The following KCNH7 variants were observed in gnomAD, a reference collection of about 807,000 sequenced individuals.
KCNH7 encodes potassium voltage-gated channel subfamily H member 7.
In KCNH7, 49 loss-of-function variants were observed where a neutral mutation model predicts 120.8. The observed-to-expected ratio is 0.41, with a 90% CI of 0.32 to 0.51. The LOEUF is 0.51. KCNH7 is among the 20% of genes least tolerant of loss of function. The pLI, the probability that KCNH7 is intolerant of heterozygous loss-of-function variation, is 0.38. For missense variants in KCNH7, 1,097 were observed against 1,446.6 expected (o/e 0.76, Z 3.92); for synonymous variants, 547 against 516.1 (o/e 1.06, Z -0.81).
At chr2:162,489,310 GGAA>G in intron 6 of KCNH7, among the ~76,000 whole-genome samples, 1 of 152,114 alleles carries the variant, frequency 6.6e-6, no homozygotes, top group Admixed American at 6.5e-5. Flanking sequence ...GGGCCACACT[GGAA>G]GAAGAATAAT....
intron 9 of KCNH7, among the ~76,000 whole-genome samples, chr2:162,420,152 G>C (rs1272938282): frequency 1.3e-5 from 2 of 152,168 alleles, no homozygotes; most frequent in Non-Finnish European, 2.9e-5. Flanking sequence ...CAAGGCGGCA[G>C]ATCACTTGAG....
intron 2 of KCNH7, among the ~76,000 whole-genome samples, chr2:162,584,376 G>T (rs1040171650): frequency 1.3e-5 from 2 of 152,024 alleles, no homozygotes; most frequent in African/African-American, 4.8e-5. Context: ...TAATCCCCAA[G>T]AATATGTCCT....
intron 2 of KCNH7, among the ~76,000 whole-genome samples, chr2:162,780,163 CAGT>C (rs1683420500): frequency 6.6e-6 from 1 of 152,158 alleles, no homozygotes; most frequent in Admixed American, 6.5e-5. Flanking sequence ...TAAAAATAGT[CAGT>C]AGTAATCCAC....
intron 2 of KCNH7, among the ~76,000 whole-genome samples, chr2:162,734,622 T>C (rs1394704193): frequency 6.6e-6 from 1 of 152,138 alleles, no homozygotes; most frequent in Non-Finnish European, 1.5e-5. Context: ...TAGGTACAGA[T>C]TTTTAAACAA....
At chr2:162,578,764 T>G (rs1693769328) in intron 2 of KCNH7, among the ~76,000 whole-genome samples, 1 of 152,028 alleles carries the variant, frequency 6.6e-6, no homozygotes, top group Non-Finnish European at 1.5e-5. Context: ...TTCCTGAGTG[T>G]AGAAGTGGGA....
chr2:162,829,138 T>C (rs867976689), intron 2 of KCNH7, among the ~76,000 whole-genome samples: 7 of 152,130 alleles, frequency 4.6e-5, no homozygotes, highest in Admixed American at 2.0e-4. Context: ...CCATTAACTT[T>C]CTTAATTGTT....
At chr2:162,727,562 A>G (rs989187661) in intron 2 of KCNH7, among the ~76,000 whole-genome samples, 1 of 152,168 alleles carries the variant, frequency 6.6e-6, no homozygotes, top group African/African-American at 2.4e-5. Flanking sequence ...AAAGAATTCC[A>G]TATACATAGA....
intron 2 of KCNH7, among the ~76,000 whole-genome samples, chr2:162,662,076 A>C (rs1684982049): frequency 6.6e-6 from 1 of 152,078 alleles, no homozygotes. Context: ...AGCCTGGTCA[A>C]GATGGTGAAA....
At chr2:162,637,675 A>G (rs1316669604) in intron 2 of KCNH7, among the ~76,000 whole-genome samples, 1 of 152,072 alleles carries the variant, frequency 6.6e-6, no homozygotes, top group Non-Finnish European at 1.5e-5. Context: ...ATGTAGACGT[A>G]TATCAAAATA....
rs16846665 is a variant in KCNH7 at position 162,400,439 on chromosome 2, G to C, written c.2157C>G (p.Val719=). 1 of 1,611,004 alleles carries C rather than the reference G, an allele frequency of 6.2e-7. No homozygotes were observed. The highest frequency in any genetic ancestry group is 1.1e-5 in the South Asian group (1 of 90,916). Reference sequence around the variant, plus strand: ...GTAAGCATTCTGGGAAACCCTTTAGGACCTGAGGAAAAAAAGAAAGAGTTT... The same window carrying C: ...GTAAGCATTCTGGGAAACCCTTTAGCACCTGAGGAAAAAAAGAAAGAGTTT... ...TYTNGIDMNM[V]LKGFPECLQA... is the part of the protein sequence containing the mutation. The change falls in exon 10 of 16, where the codon GTC becomes GTG. Residue 719 remains valine (V), a splice_region_variant and synonymous_variant. Coordinates refer to ENST00000332142, the MANE Select transcript of KCNH7 (RefSeq NM_033272.4).
chr2:162,654,979 A>G (rs1297041990), intron 2 of KCNH7, among the ~76,000 whole-genome samples: 24 of 152,206 alleles, frequency 1.6e-4, no homozygotes, highest in Admixed American at 1.6e-3. Flanking sequence ...GAACAGGGGA[A>G]GGGGAGGAGC....
At chr2:162,386,353 T>C (rs1432078622) in intron 12 of KCNH7, among the ~76,000 whole-genome samples, 1 of 151,916 alleles carries the variant, frequency 6.6e-6, no homozygotes, top group Non-Finnish European at 1.5e-5. Context: ...TCTTCCCTTC[T>C]CTAAAGCCCT....
chr2:162,825,338 AT>A (rs1685244935), intron 2 of KCNH7, among the ~76,000 whole-genome samples: 1 of 151,990 alleles, frequency 6.6e-6, no homozygotes, highest in Non-Finnish European at 1.5e-5. Flanking sequence ...GTGTTTTTCA[AT>A]AAAATTTGAA....
intron 8 of KCNH7, among the ~76,000 whole-genome samples, chr2:162,424,678 G>A (rs898458158): frequency 6.6e-6 from 1 of 152,094 alleles, no homozygotes; most frequent in Non-Finnish European, 1.5e-5. Context: ...CCAGATTCTG[G>A]CCATGTTTTA....
At chr2:162,715,065 T>A (rs1220704908) in intron 2 of KCNH7, among the ~76,000 whole-genome samples, 1 of 152,176 alleles carries the variant, frequency 6.6e-6, no homozygotes, top group Non-Finnish European at 1.5e-5. Flanking sequence ...ATTTCATCCT[T>A]ACAGCAATGT....
At chr2:162,698,233 A>C (rs2105338617) in intron 2 of KCNH7, among the ~76,000 whole-genome samples, 1 of 152,250 alleles carries the variant, frequency 6.6e-6, no homozygotes, top group Middle Eastern at 3.4e-3. Context: ...TATCAATGAG[A>C]AAGTGTTTTA....
intron 2 of KCNH7, among the ~76,000 whole-genome samples, chr2:162,593,664 C>T (rs1027305740): frequency 3.9e-5 from 6 of 151,924 alleles, no homozygotes; most frequent in Non-Finnish European, 5.9e-5. Context: ...CAGGTCAAAT[C>T]TTCAGTCTTG....
At chr2:162,788,517 A>C (rs1683796072) in intron 2 of KCNH7, among the ~76,000 whole-genome samples, 1 of 152,178 alleles carries the variant, frequency 6.6e-6, no homozygotes, top group African/African-American at 2.4e-5. Flanking sequence ...TTGATAAAGC[A>C]GAAGAAAGAA....
chr2:162,663,263 T>C (rs1291019255), intron 2 of KCNH7, among the ~76,000 whole-genome samples: 4 of 152,228 alleles, frequency 2.6e-5, no homozygotes, highest in Admixed American at 6.5e-5. Flanking sequence ...AGACACTGTA[T>C]CCTGTAATAT....
Sources: allele counts gnomAD v4.1 joint callset (sites outside exome capture counted in the v4.1 genomes callset), GRCh38; gene constraint gnomAD v4.1.1; transcripts MANE v1.5; gene names NCBI Gene and HGNC (gene_info 2026-07-23, HGNC 2026-07-21).